The following PAX5 variants were observed in gnomAD, a reference collection of about 807,000 sequenced individuals.
PAX5 encodes the protein paired box protein Pax-5.
A neutral mutation model predicts 43.7 loss-of-function variants in PAX5; 9 were observed. That is an observed-to-expected ratio of 0.21 (90% confidence interval 0.12 to 0.36). The LOEUF is 0.36. Ranked by LOEUF, PAX5 falls within the 10% of genes least tolerant of loss-of-function variation. The probability of loss-of-function intolerance (pLI) is 1.00; values close to 1 mark genes in which losing one functional copy is unlikely to be tolerated. For synonymous variants in PAX5, 228 were observed against 214.3 expected, an observed-to-expected ratio of 1.06 and a Z score of -0.56; for missense variants, 383 against 532.7, an observed-to-expected ratio of 0.72 and a Z score of 2.77.
chr9:36,968,608 C>T (rs1365438385), intron 5 of PAX5, among the ~76,000 whole-genome samples: 2 of 32,208 alleles, frequency 6.2e-5, no homozygotes, highest in African/African-American at 1.1e-4. Flanking sequence ...TGACCAGATA[C>T]CCCCACATGT....
At chr9:36,879,118 A>G (rs1021559704) in intron 8 of PAX5, among the ~76,000 whole-genome samples, 2 of 152,172 alleles carry the variant, frequency 1.3e-5, no homozygotes, top group Non-Finnish European at 2.9e-5. Flanking sequence ...ACAGAGTCCC[A>G]TGGGGCCCTG....
At chr9:37,020,941 G>T (rs1033764255) in intron 1 of PAX5, 140 bp from the exon 2 acceptor site, 2 of 776,932 alleles carry the variant, frequency 2.6e-6, no homozygotes, top group Non-Finnish European at 4.2e-6. Context: ...GAGTCCAATC[G>T]TGCAAACTAC....
intron 6 of PAX5, among the ~76,000 whole-genome samples, chr9:36,933,278 G>A (rs867545787): frequency 2.6e-5 from 4 of 152,154 alleles, no homozygotes; most frequent in Admixed American, 6.5e-5. Flanking sequence ...GTGAAATAAC[G>A]AGAGAACGCA....
At chr9:36,892,071 C>T (rs1375716920) in intron 7 of PAX5, among the ~76,000 whole-genome samples, 1 of 152,200 alleles carries the variant, frequency 6.6e-6, no homozygotes, top group East Asian at 1.9e-4. Context: ...ATGACACCAG[C>T]CCCCGGAACC....
intron 8 of PAX5, among the ~76,000 whole-genome samples, chr9:36,865,574 G>A (rs988258992): frequency 2.6e-5 from 4 of 152,154 alleles, no homozygotes; most frequent in African/African-American, 9.7e-5. Flanking sequence ...GAGAGAGGGA[G>A]AGAAGGAAGA....
At chr9:36,865,878 C>T (rs990428127) in intron 8 of PAX5, among the ~76,000 whole-genome samples, 4 of 152,244 alleles carry the variant, frequency 2.6e-5, no homozygotes, top group African/African-American at 4.8e-5. Context: ...AAGCGTGGGT[C>T]GCTCCAGAGC....
At chr9:36,894,679 G>T (rs1451017244) in intron 7 of PAX5, among the ~76,000 whole-genome samples, 1 of 152,196 alleles carries the variant, frequency 6.6e-6, no homozygotes, top group African/African-American at 2.4e-5. Context: ...ACAAATACAG[G>T]TAAGGCCCCT....
At chr9:36,997,222 A>G (rs1405807621) in intron 5 of PAX5, among the ~76,000 whole-genome samples, 1 of 152,118 alleles carries the variant, frequency 6.6e-6, no homozygotes, top group Non-Finnish European at 1.5e-5. Flanking sequence ...TGCCCTCCTT[A>G]GAAGGTAGTC....
At chr9:36,884,738 T>C (rs866316885) in intron 7 of PAX5, among the ~76,000 whole-genome samples, 2 of 152,280 alleles carry the variant, frequency 1.3e-5, no homozygotes, top group Middle Eastern at 3.4e-3. Context: ...TGGGAAATCA[T>C]AAGAAAATTG....
At chr9:37,014,413 T>C (rs889902058) in intron 3 of PAX5, among the ~76,000 whole-genome samples, 11 of 152,194 alleles carry the variant, frequency 7.2e-5, no homozygotes, top group Admixed American at 1.3e-4. Flanking sequence ...GAGTTGAAGA[T>C]GCACATCAGA....
At chr9:37,012,344 A>G (rs1430905762) in intron 3 of PAX5, among the ~76,000 whole-genome samples, 1 of 152,146 alleles carries the variant, frequency 6.6e-6, no homozygotes, top group African/African-American at 2.4e-5. Context: ...CCCCATGTCT[A>G]TCTCCAAGTC....
At chr9:36,853,645 C>G (rs1167563370) in intron 8 of PAX5, among the ~76,000 whole-genome samples, 2 of 152,152 alleles carry the variant, frequency 1.3e-5, no homozygotes, top group African/African-American at 4.8e-5. Flanking sequence ...GTGGGTTTCC[C>G]CCAAACAGTA....
chr9:36,908,350 C>T (rs1261484806), intron 7 of PAX5, among the ~76,000 whole-genome samples: 1 of 152,068 alleles, frequency 6.6e-6, no homozygotes, highest in Non-Finnish European at 1.5e-5. Context: ...GCAACTGTCC[C>T]TTCCTTCATG....
chr9:36,926,301 T>C (rs985185500), intron 6 of PAX5, among the ~76,000 whole-genome samples: 1 of 151,786 alleles, frequency 6.6e-6, no homozygotes, highest in African/African-American at 2.4e-5. Context: ...TAAATGAAAC[T>C]GAAAAAAAAA....
At chr9:36,971,693 G>C (rs769851220) in intron 5 of PAX5, among the ~76,000 whole-genome samples, 1 of 152,246 alleles carries the variant, frequency 6.6e-6, no homozygotes, top group South Asian at 2.1e-4. Context: ...ACCATGGCTC[G>C]TAGAATTAAC....
rs1821936804 is a variant in PAX5 at position 36,840,345 on chromosome 9, G to C, written c.*215C>G. 1.6e-6 allele frequency: 1 copy of C among 619,914 alleles called. No homozygotes were observed. Among genetic ancestry groups the C allele is most frequent in the Non-Finnish European group, 2.9e-6 (1 of 348,620 alleles). The allele number at this position is 619,914 out of a possible 1,614,324, so 38.4% of individuals were successfully genotyped here. ...CAGTGGCCATCGGGAGAAGCTCATA[G>C]ATTGGCTTTTAGAAATAGACAAGCA... On this transcript the variant is annotated 3_prime_UTR_variant, in exon 10 of 10. Transcript: ENST00000358127.
At chr9:36,891,533 T>C (rs559268017) in intron 7 of PAX5, among the ~76,000 whole-genome samples, 5 of 152,352 alleles carry the variant, frequency 3.3e-5, no homozygotes, top group Admixed American at 2.0e-4. Flanking sequence ...GAGGGTATGC[T>C]GCTGACGGTA....
chr9:36,905,814 G>A (rs1466715460), intron 7 of PAX5, among the ~76,000 whole-genome samples: 1 of 152,210 alleles, frequency 6.6e-6, no homozygotes, highest in Non-Finnish European at 1.5e-5. Context: ...AGAGGTGTCT[G>A]ACTTTGGGAG....
At position 36,924,411 on chromosome 9, in the gene PAX5, C is replaced by T. The variant is rs148363875; in HGVS notation, c.781-927G>A. Among the ~76,000 whole-genome samples the T allele has an allele frequency of 4.0e-3, 609 of 152,250 alleles. 7 individuals carry two copies. Among genetic ancestry groups the T allele is most frequent in the African/African-American group, 0.012 (485 of 41,534 alleles). ...TCTTCCTCCCACCCCACCCCAGGGC[C>T]TATTTTCAGGTAAAGAAAATATATG... On this transcript the variant is annotated intron_variant, in intron 6 of 9. Transcript: ENST00000358127.
Sources: allele counts gnomAD v4.1 joint callset (sites outside exome capture counted in the v4.1 genomes callset), GRCh38; gene constraint gnomAD v4.1.1; transcripts MANE v1.5; gene names NCBI Gene and HGNC (gene_info 2026-07-23, HGNC 2026-07-21).